The following DAB1 variants were observed in gnomAD, a reference collection of about 807,000 sequenced individuals.
DAB1 encodes disabled homolog 1.
In DAB1, 15 loss-of-function variants were observed where a neutral mutation model predicts 64.6. That is an observed-to-expected ratio of 0.23 (90% CI 0.16 to 0.36). The LOEUF (loss-of-function observed/expected upper bound fraction) is 0.36, where lower values mean the gene tolerates loss of function less well. Ranked by LOEUF, DAB1 falls within the 10% of genes least tolerant of loss-of-function variation. The probability of loss-of-function intolerance (pLI) is 1.00; values close to 1 mark genes in which losing one functional copy is unlikely to be tolerated. For missense variants in DAB1, 596 were observed against 706.7 expected (o/e 0.84, Z 1.78); for synonymous variants, 235 against 251.9 (o/e 0.93, Z 0.64).
rs1645631228 is a variant in DAB1, at chr1:56,996,657, C to T, written c.*1487G>A. The T allele has an allele frequency of 6.6e-6, 1 of 152,320 alleles. No homozygotes were observed. 9.4% of individuals were successfully genotyped at this position (152,320 alleles called of 1,614,324 possible). ...TAGGGTGGGGACTCTCGTGGAAAGG[C>T]TAGATGATGGAGTCACGTGCTCCCT... On this transcript the variant is annotated 3_prime_UTR_variant, in exon 15 of 15. Coordinates refer to ENST00000371236, the MANE Select transcript of DAB1 (RefSeq NM_001365792.1).
At chr1:58,404,956 G>A (rs990613497) in intron 3 of DAB1, among the ~76,000 whole-genome samples, 1 of 152,090 alleles carries the variant, frequency 6.6e-6, no homozygotes, top group African/African-American at 2.4e-5. Context: ...TGGTGGTCCC[G>A]GCTGTGCCCT....
chr1:57,748,660 G>A (rs1050644919), intron 6 of DAB1, among the ~76,000 whole-genome samples: 2 of 152,148 alleles, frequency 1.3e-5, no homozygotes, highest in Non-Finnish European at 1.5e-5. Flanking sequence ...AACTAGAGTG[G>A]TCAGGGCAGC....
chr1:57,016,243 T>C (rs547853055), intron 11 of DAB1, among the ~76,000 whole-genome samples: 3 of 152,164 alleles, frequency 2.0e-5, no homozygotes, highest in African/African-American at 4.8e-5. Context: ...AGAGGTATTA[T>C]GCATGATTTC....
At chr1:58,232,727 G>A (rs1228405440) in intron 4 of DAB1, among the ~76,000 whole-genome samples, 2 of 152,170 alleles carry the variant, frequency 1.3e-5, no homozygotes, top group Non-Finnish European at 2.9e-5. Context: ...TTGATGACAG[G>A]AGATTTGCTG....
intron 2 of DAB1, among the ~76,000 whole-genome samples, chr1:57,166,940 C>T (rs1661260042): frequency 6.6e-6 from 1 of 152,186 alleles, no homozygotes; most frequent in Non-Finnish European, 1.5e-5. Context: ...CTCCACCATG[C>T]TCCACCACCT....
Position 58,230,746 on chromosome 1 carries a change from T to C in DAB1, n.310-80158A>G, listed in dbSNP as rs1243773514. ...AATGCAGCAACAAAGTAAAAGCATT[T>C]ATTAATCCTAGGTTGTGCTAAGCTT... On this transcript the variant is annotated intron_variant and non_coding_transcript_variant, in intron 4 of 20. Transcript: ENST00000485760. Among the ~76,000 whole-genome samples the C allele has an allele frequency of 2.0e-5, 3 of 152,250 alleles. No homozygotes were observed. The East Asian group carries it at 5.8e-4, about 29-fold the overall frequency.
chr1:57,606,101 A>G, intron 7 of DAB1: 1 of 475,524 alleles, frequency 2.1e-6, no homozygotes, highest in African/African-American at 2.0e-5. Flanking sequence ...AAGTCAGCAC[A>G]TACCATCTCC....
chr1:58,386,354 A>C (rs773046123), intron 3 of DAB1, among the ~76,000 whole-genome samples: 21 of 152,178 alleles, frequency 1.4e-4, no homozygotes, highest in Admixed American at 6.5e-5. Context: ...AGTTGGAGAA[A>C]AGGTTCTAAC....
chr1:57,230,472 T>C (rs1252546234), intron 2 of DAB1, among the ~76,000 whole-genome samples: 8 of 152,102 alleles, frequency 5.3e-5, no homozygotes, highest in Non-Finnish European at 1.5e-5. Context: ...CAAACAAACA[T>C]AATTTCTCAT....
At chr1:57,851,542 G>A (rs765803994) in intron 1 of DAB1, among the ~76,000 whole-genome samples, 1 of 152,216 alleles carries the variant, frequency 6.6e-6, no homozygotes, top group Non-Finnish European at 1.5e-5. Context: ...CTGAGCAGAA[G>A]AGTACTGGGA....
chr1:58,300,456 AG>A (rs1662096485), intron 4 of DAB1, among the ~76,000 whole-genome samples: 7 of 151,362 alleles, frequency 4.6e-5, no homozygotes, highest in African/African-American at 1.7e-4. Context: ...CTGACACAGG[AG>A]AATCGCTTGA....
At chr1:57,657,459 T>G (rs10789052) in intron 6 of DAB1, among the ~76,000 whole-genome samples, 49,639 of 152,070 alleles carry the variant, frequency 0.33, 8,694 homozygotes, top group African/African-American at 0.45. Flanking sequence ...CATTGCAGGG[T>G]GTCACTGACC....
intron 3 of DAB1, among the ~76,000 whole-genome samples, chr1:58,472,048 T>G (rs1645365400): frequency 6.6e-6 from 1 of 152,222 alleles, no homozygotes; most frequent in African/African-American, 2.4e-5. Context: ...TTCATAAATG[T>G]TAACTATTAC....
chr1:58,010,565 C>T (rs1346509714), intron 5 of DAB1, among the ~76,000 whole-genome samples: 2 of 152,172 alleles, frequency 1.3e-5, no homozygotes, highest in African/African-American at 4.8e-5. Context: ...TTGTCAAGTG[C>T]CTGCAGTATG....
At chr1:58,370,878 C>T (rs1273670028) in intron 3 of DAB1, among the ~76,000 whole-genome samples, 1 of 152,178 alleles carries the variant, frequency 6.6e-6, no homozygotes, top group Non-Finnish European at 1.5e-5. Context: ...CTGAGGCCTC[C>T]CCTGCCATGC....
intron 3 of DAB1, among the ~76,000 whole-genome samples, chr1:58,404,211 A>G (rs1360333957): frequency 1.3e-5 from 2 of 152,174 alleles, no homozygotes; most frequent in Non-Finnish European, 2.9e-5. Context: ...CATGGAACCT[A>G]AGTTCCTCCA....
chr1:58,162,017 G>T (rs899923396), intron 4 of DAB1, among the ~76,000 whole-genome samples: 7 of 152,136 alleles, frequency 4.6e-5, no homozygotes, highest in Admixed American at 4.6e-4. Flanking sequence ...AGAGAAGGGA[G>T]GAGGTAACAA....
intron 4 of DAB1, among the ~76,000 whole-genome samples, chr1:58,287,088 T>A (rs1388471039): frequency 2.6e-5 from 4 of 152,152 alleles, no homozygotes; most frequent in Non-Finnish European, 5.9e-5. Flanking sequence ...AAACACCACA[T>A]GTTCTCACTT....
chr1:57,063,181 A>G (rs1401675510), intron 8 of DAB1, among the ~76,000 whole-genome samples: 1 of 152,042 alleles, frequency 6.6e-6, no homozygotes, highest in Non-Finnish European at 1.5e-5. Context: ...CGTCTCTGCC[A>G]TTGGGCTTCT....
Sources: allele counts gnomAD v4.1 joint callset (sites outside exome capture counted in the v4.1 genomes callset), GRCh38; gene constraint gnomAD v4.1.1; transcripts MANE v1.5; gene names NCBI Gene and HGNC (gene_info 2026-07-23, HGNC 2026-07-21).